Variants in BAZ1A observed in about 807,000 individuals in gnomAD.
BAZ1A encodes the protein bromodomain adjacent to zinc finger domain 1A.
A neutral mutation model predicts 185.2 loss-of-function variants in BAZ1A; 50 were observed. The ratio of observed to expected loss-of-function variants is 0.27; its 90% CI spans 0.22 to 0.34. The LOEUF (loss-of-function observed/expected upper bound fraction) is 0.34, where lower values mean the gene tolerates loss of function less well. Ranked by LOEUF, BAZ1A falls within the 10% of genes least tolerant of loss-of-function variation. The pLI is 1.00. For synonymous variants in BAZ1A, 571 were observed against 615.6 expected (o/e 0.93, Z 1.07); for missense variants, 1,356 against 1,839.9 (o/e 0.74, Z 4.81).
chr14:34,839,683 A>C (rs927028363), intron 3 of BAZ1A, among the ~76,000 whole-genome samples: 2 of 151,766 alleles, frequency 1.3e-5, no homozygotes, highest in African/African-American at 4.8e-5. Flanking sequence ...CTCTACTAAA[A>C]ATACAAAAAA....
intron 14 of BAZ1A, among the ~76,000 whole-genome samples, chr14:34,784,396 G>T (rs1391916119): frequency 8.4e-6 from 1 of 118,676 alleles, no homozygotes; most frequent in African/African-American, 3.6e-5. Context: ...AAAAAAAAAA[G>T]GCAACTTTGA....
rs763724439 is a variant in BAZ1A, at chr14:34,811,006, T to C, written c.567A>G (p.Leu189=). 6.2e-7 allele frequency: 1 copy of C among 1,606,400 alleles called. No homozygotes were observed. The highest frequency in any genetic ancestry group is 8.5e-7 in the Non-Finnish European group (1 of 1,174,772). Residue 189 remains leucine, a synonymous_variant, in exon 5 of 27, where the codon CTA becomes CTG. Transcript: ENST00000360310. The stretch of plus-strand genomic sequence containing the variant: ...TAGTGGGTTGCACTTTATACTTGAA[T>C]AGTAAGGGATCAATTGCATCTTTTT... ...GKKKDAIDPL[L]FKYKVQPTKK... is the part of the protein sequence containing the mutation.
intron 25 of BAZ1A, among the ~76,000 whole-genome samples, chr14:34,757,971 T>A (rs951662132): frequency 1.3e-5 from 2 of 151,054 alleles, no homozygotes; most frequent in African/African-American, 4.9e-5. Flanking sequence ...ATGGTCTTGA[T>A]CTCCTGACCT....
chr14:34,792,817 C>T lies in BAZ1A; in HGVS notation c.1468G>A (p.Glu490Lys). 1 of 1,613,938 alleles carries T rather than the reference C, an allele frequency of 6.2e-7. No homozygotes were observed. Among genetic ancestry groups the T allele is most frequent in the Non-Finnish European group, 8.5e-7 (1 of 1,179,960 alleles). Residue 490 changes from glutamate (E) to lysine (K), a missense_variant, in exon 12 of 27, where the codon GAG becomes AAG. Transcript: ENST00000360310. ...GTTAGTTGCTCTTTGGCTACTTCCT[C>T]TTCTTCTTCAGCTATTGCCTGGAAG... ...AIFQAIAEEE[E>K]EVAKEQLTDA...
In BAZ1A at chr14:34,753,360, T is replaced by C. The variant is rs1886098833; in HGVS notation, c.*148A>G. 6.7e-6 allele frequency: 5 copies of C among 744,388 alleles called. No homozygotes were observed. The Admixed American group carries it at 1.4e-4, about 20-fold the overall frequency. 46.1% of individuals were successfully genotyped at this position (744,388 alleles called of 1,614,324 possible). On this transcript the variant is annotated 3_prime_UTR_variant, in exon 27 of 27. Transcript: ENST00000360310. ...AAAGGATATCTTTCCTACATTCTCC[T>C]GAGTGCTTAATATTAAAATTGAGAA...
intron 6 of BAZ1A, among the ~76,000 whole-genome samples, chr14:34,807,153 A>G (rs1881895268): frequency 6.7e-6 from 1 of 150,346 alleles, no homozygotes; most frequent in Non-Finnish European, 1.5e-5. Flanking sequence ...ACCACACTAT[A>G]GGTATTAGGA....
rs756584573 is a variant in BAZ1A, at chr14:34,862,140, G to A, written c.296C>T (p.Ser99Leu). 1.1e-5 allele frequency: 17 copies of A among 1,613,970 alleles called. No individual in the cohort carries two copies. The highest frequency in any genetic ancestry group is 3.3e-5 in the Admixed American group (2 of 59,982). Residue 99 changes from serine (S) to leucine (L), a missense_variant, in exon 3 of 27, where the codon TCG becomes TTG. Coordinates refer to ENST00000360310, the MANE Select transcript of BAZ1A (RefSeq NM_013448.3). ...VLYLTSLTHR[S>L]RLHEICDDIF... ...ATCATCACAAATTTCATGTAAGCGCGAACGATGGGTAAGGCTGGTCAAGTA... is the reference window on the plus strand; with the variant it reads ...ATCATCACAAATTTCATGTAAGCGCAAACGATGGGTAAGGCTGGTCAAGTA...
At chr14:34,824,298 C>T (rs912681021) in intron 4 of BAZ1A, among the ~76,000 whole-genome samples, 1 of 135,742 alleles carries the variant, frequency 7.4e-6, no homozygotes, top group African/African-American at 2.8e-5. Context: ...TGCCTAAGCC[C>T]AGAAGTTTGA....
At chr14:34,840,499 C>T (rs897011632) in intron 3 of BAZ1A, among the ~76,000 whole-genome samples, 1 of 152,252 alleles carries the variant, frequency 6.6e-6, no homozygotes, top group East Asian at 1.9e-4. Context: ...TGGCTCACAC[C>T]TGTTATCCCA....
At chr14:34,858,988 G>C (rs758914255) in intron 3 of BAZ1A, among the ~76,000 whole-genome samples, 1 of 152,130 alleles carries the variant, frequency 6.6e-6, no homozygotes, top group Non-Finnish European at 1.5e-5. Context: ...GTGAGTCGGG[G>C]AGCCATTAAT....
chr14:34,784,377 A>C (rs1207124669), intron 14 of BAZ1A, among the ~76,000 whole-genome samples: 2,237 of 83,214 alleles, frequency 0.027, 80 homozygotes, highest in Non-Finnish European at 0.058. Flanking sequence ...CAAAAAAAAA[A>C]AAAAAAAAAA....
At chr14:34,758,593 CAACA>C in intron 25 of BAZ1A, 107 bp downstream of exon 25, 1 of 1,159,302 alleles carries the variant, frequency 8.6e-7, no homozygotes, top group Non-Finnish European at 1.2e-6. Flanking sequence ...AAAACAACAA[CAACA>C]AAAAAAACTA....
intron 3 of BAZ1A, among the ~76,000 whole-genome samples, chr14:34,849,370 C>T (rs2042563667): frequency 6.6e-6 from 1 of 152,146 alleles, no homozygotes; most frequent in Non-Finnish European, 1.5e-5. Context: ...AGTGAAAAAG[C>T]TGCTTGCTAA....
In BAZ1A at chr14:34,762,106, A is replaced by C. The variant is rs770263520; in HGVS notation, c.3894T>G (p.Ser1298Arg). 6.2e-7 allele frequency: 1 copy of C among 1,613,972 alleles called. No individual in the cohort carries two copies. The highest frequency in any genetic ancestry group is 1.1e-5 in the South Asian group (1 of 91,062). ...CAGTTGTTTTGGGTGTGCTCTGCTG[A>C]CTCCTTGAAGGGTATCTTCCAGGTT... Reference protein sequence around the residue: ...QQEPGRYPSRSQQSTPKTTVS... With the variant: ...QQEPGRYPSRRQQSTPKTTVS... Residue 1298 changes from serine to arginine, a missense_variant, in exon 24 of 27, where the codon AGT (serine) becomes AGG (arginine). By Grantham distance (110) the Ser-to-Arg change is moderately radical. Around this residue, in one of 7 missense-constraint regions of BAZ1A, gnomAD observed 309 missense variants for 355.3 expected, o/e 0.87. Coordinates refer to ENST00000360310, the MANE Select transcript of BAZ1A (RefSeq NM_013448.3).
At chr14:34,833,998 C>T (rs1020525836) in intron 3 of BAZ1A, among the ~76,000 whole-genome samples, 20 of 152,116 alleles carry the variant, frequency 1.3e-4, no homozygotes, top group African/African-American at 4.3e-4. Context: ...CTGACTTTCA[C>T]CACTGACTGG....
chr14:34,866,978 C>T (rs1292837422), intron 2 of BAZ1A, among the ~76,000 whole-genome samples: 4 of 137,326 alleles, frequency 2.9e-5, no homozygotes, highest in Non-Finnish European at 6.5e-5. Flanking sequence ...AAAAAAAATC[C>T]GCCGGGCATG....
At chr14:34,843,009 T>A (rs1414190846) in intron 3 of BAZ1A, among the ~76,000 whole-genome samples, 1 of 152,082 alleles carries the variant, frequency 6.6e-6, no homozygotes, top group African/African-American at 2.4e-5. Flanking sequence ...GAATAGTTCC[T>A]GCACATGGTC....
At chr14:34,761,016 C>T (rs1001039167) in intron 24 of BAZ1A, among the ~76,000 whole-genome samples, 5 of 151,996 alleles carry the variant, frequency 3.3e-5, no homozygotes, top group African/African-American at 7.3e-5. Flanking sequence ...CGGTGGCTCA[C>T]GCCTATAATC....
intron 25 of BAZ1A, among the ~76,000 whole-genome samples, chr14:34,757,691 A>G (rs1034634152): frequency 1.3e-5 from 2 of 151,730 alleles, no homozygotes; most frequent in Non-Finnish European, 2.9e-5. Flanking sequence ...CAACAAAAAA[A>G]GAATCAGTCA....
Sources: allele counts gnomAD v4.1 joint callset (sites outside exome capture counted in the v4.1 genomes callset), GRCh38; gene constraint gnomAD v4.1.1; regional missense constraint gnomAD v4.1.1; transcripts MANE v1.5; gene names NCBI Gene and HGNC (gene_info 2026-07-23, HGNC 2026-07-21).